Variants in TPP1 observed in about 807,000 individuals in gnomAD.
TPP1 encodes tripeptidyl peptidase 1.
In TPP1, 43 loss-of-function variants were observed where a neutral mutation model predicts 67.6. The ratio of observed to expected loss-of-function variants is 0.64; its 90% CI spans 0.50 to 0.82. The LOEUF is 0.82. Among genes scored for constraint, TPP1 ranks in the 40% least tolerant of loss-of-function variants. The pLI is 0.00. For missense variants in TPP1, 671 were observed against 710.9 expected (o/e 0.94, Z 0.64); for synonymous variants, 272 against 281.5 (o/e 0.97, Z 0.34).
At position 6,614,487 on chromosome 11, in the gene TPP1, A is replaced by C. The variant is rs1032969490; in HGVS notation, c.*59T>G. On this transcript the variant is annotated 3_prime_UTR_variant, in exon 13 of 13. Coordinates refer to ENST00000299427, the MANE Select transcript of TPP1 (RefSeq NM_000391.4). Reference sequence around the variant, plus strand: ...GCAGGGCTTCCAACAGGGCAGAATAAGGGACTGAACTGCCAGCTTCAGGGC... The same window carrying C: ...GCAGGGCTTCCAACAGGGCAGAATACGGGACTGAACTGCCAGCTTCAGGGC... 6.2e-6 allele frequency: 10 copies of C among 1,611,340 alleles called. No individual in the cohort carries two copies. The highest frequency in any genetic ancestry group is 6.8e-6 in the Non-Finnish European group (8 of 1,177,896).
At chr11:6,614,797 C>G (rs1855550480) in intron 12 of TPP1, 69 bp downstream of exon 12, 1 of 1,613,516 alleles carries the variant, frequency 6.2e-7, no homozygotes, top group African/African-American at 1.3e-5. Context: ...ACCCTAACTG[C>G]CCCCAAGTCC....
chr11:6,616,719 A>G lies in TPP1; in HGVS notation c.828T>C (p.Asp276=), dbSNP rs1057522366. The part of the protein sequence containing the change: ...RGRAGIEASL[D]VQYLMSAGAN... The stretch of plus-strand genomic sequence containing the variant: ...CACCAGCACTCATCAGGTACTGCAC[A>G]TCTAGACTGGCCTCAATCCCGGCCC... The change falls in exon 7 of 13, where the codon GAT becomes GAC. Residue 276 remains aspartate, a synonymous_variant. Transcript: ENST00000299427. 10 of 1,614,028 alleles carry G rather than the reference A, an allele frequency of 6.2e-6. No homozygotes were observed. Among genetic ancestry groups the G allele is most frequent in the Non-Finnish European group, 7.6e-6 (9 of 1,179,986 alleles).
chr11:6,618,088 T>C, intron 3 of TPP1: 1 of 422,800 alleles, frequency 2.4e-6, no homozygotes, highest in East Asian at 5.1e-5. Context: ...AATTTTAAGC[T>C]TATGTCCGGT....
intron 3 of TPP1, 117 bp downstream of exon 3, chr11:6,618,659 C>G: frequency 6.9e-7 from 1 of 1,448,324 alleles, no homozygotes. Flanking sequence ...TTTTAGGTTT[C>G]TAGCCTGAGG....
Position 6,615,198 on chromosome 11 carries a change from CA to C in TPP1, c.1397del (p.Val466GlyfsTer22), listed in dbSNP as rs2134591593. ...SDGYWVVSNR[V>X]PIPWVSGTSA... ...AGGTTCCGGACACCCATGGAATGGG[CA>C]CTCTGTTGCTGACCACCCAGTAGCC... is the stretch of plus-strand genomic sequence containing the variant. On this transcript the variant is annotated frameshift_variant, in exon 11 of 13. Transcript: ENST00000299427. LOFTEE classifies it high-confidence loss of function. 6.2e-7 allele frequency: 1 copy of C among 1,614,178 alleles called. No individual in the cohort carries two copies. Among genetic ancestry groups the C allele is most frequent in the East Asian group, 2.2e-5 (1 of 44,884 alleles).
rs1855521232 is a variant in TPP1 at position 6,613,070 on chromosome 11, T to A, written c.*1476A>T. 6.6e-6 allele frequency: 1 copy of A among 152,434 alleles called. No individual in the cohort carries two copies. The highest frequency in any genetic ancestry group is 2.4e-5 in the African/African-American group (1 of 41,438). The allele number at this position is 152,434 out of a possible 1,614,324, so 9.4% of individuals were successfully genotyped here. On this transcript the variant is annotated 3_prime_UTR_variant, in exon 13 of 13. Transcript: ENST00000299427. The stretch of plus-strand genomic sequence containing the variant: ...GATTATGAAAGGCAGGTATTGATAT[T>A]CACACTTAACAGACGAGGAAACAGC...
In TPP1 at chr11:6,614,330, T is replaced by G; in HGVS notation, c.*216A>C. ...AAAAATGCTAGTTACAGCATCTTAT[T>G]GAGGAATCTAAGGCAGGAGTAGGGA... On this transcript the variant is annotated 3_prime_UTR_variant, in exon 13 of 13. Transcript: ENST00000299427. The G allele has an allele frequency of 3.3e-6, 2 of 613,248 alleles. No individual in the cohort carries two copies. Among genetic ancestry groups the G allele is most frequent in the Non-Finnish European group, 5.7e-6 (2 of 349,226 alleles). 38.0% of individuals were successfully genotyped at this position (613,248 alleles called of 1,614,324 possible).
Position 6,613,872 on chromosome 11 carries a change from T to C in TPP1, c.*674A>G, listed in dbSNP as rs2134589370. ...TTACATTTGAGGTATCAATCATTAT[T>C]GGATAGAAAGTCTTATTTAGTGAGA... is the stretch of plus-strand genomic sequence containing the variant. On this transcript the variant is annotated 3_prime_UTR_variant, in exon 13 of 13. Coordinates refer to ENST00000299427, the MANE Select transcript of TPP1 (RefSeq NM_000391.4). 6.5e-6 allele frequency: 1 copy of C among 153,386 alleles called. No individual in the cohort carries two copies. The highest frequency in any genetic ancestry group is 2.4e-5 in the African/African-American group (1 of 41,584). 9.5% of individuals were successfully genotyped at this position (153,386 alleles called of 1,614,324 possible).
chr11:6,615,087 A>T, intron 11 of TPP1, 84 bp downstream of exon 11: 1 of 1,613,832 alleles, frequency 6.2e-7, no homozygotes. Context: ...CTAAGGAGTC[A>T]GGGGTTCTAG....
chr11:6,619,181 G>T lies in TPP1; in HGVS notation c.89+15C>A, dbSNP rs770172397. 1 of 1,613,994 alleles carries T rather than the reference G, an allele frequency of 6.2e-7. No homozygotes were observed. The highest frequency in any genetic ancestry group is 8.5e-7 in the Non-Finnish European group (1 of 1,179,938). ...GGGTATGGGGAAGGGGGCAGTCTGT[G>T]CTAAGTCAACTCACGTCCTCCGCTG... is the stretch of plus-strand genomic sequence containing the variant. On this transcript the variant is annotated intron_variant, in intron 2 of 12. Transcript: ENST00000299427.
At chr11:6,617,831 C>A in intron 3 of TPP1, 55 bp from the exon 4 acceptor site, 2 of 1,612,592 alleles carry the variant, frequency 1.2e-6, no homozygotes, top group Non-Finnish European at 8.5e-7. Flanking sequence ...CCAAACTCCC[C>A]CTTTTGGACC....
In TPP1 at chr11:6,618,772, G is replaced by A; in HGVS notation, c.229+4C>T. On this transcript the variant is annotated splice_donor_region_variant and intron_variant, in intron 3 of 12. Transcript: ENST00000299427. Reference sequence around the variant, plus strand: ...CACATCCTGTCCTCAGTCCCAAAAGGCACCGTATTGAGGAGAGCTGGGATC... The same window carrying A: ...CACATCCTGTCCTCAGTCCCAAAAGACACCGTATTGAGGAGAGCTGGGATC... 1.2e-6 allele frequency: 2 copies of A among 1,613,610 alleles called. No homozygotes were observed. The highest frequency in any genetic ancestry group is 1.7e-6 in the Non-Finnish European group (2 of 1,180,036).
At chr11:6,618,983 G>A in intron 2 of TPP1, 68 bp from the exon 3 acceptor site, 7 of 1,601,510 alleles carry the variant, frequency 4.4e-6, no homozygotes, top group Non-Finnish European at 6.0e-6. Context: ...GTCATGGAAG[G>A]TTCCAGATTA....
chr11:6,615,925 G>A, intron 9 of TPP1, 80 bp downstream of exon 9: 3 of 1,494,514 alleles, frequency 2.0e-6, no homozygotes, highest in Non-Finnish European at 2.8e-6. Flanking sequence ...CACATGGTGG[G>A]GTCAAGACAA....
chr11:6,616,255 A>T (rs1263498754), intron 8 of TPP1, 60 bp downstream of exon 8: 1 of 1,609,742 alleles, frequency 6.2e-7, no homozygotes, highest in Non-Finnish European at 8.5e-7. Context: ...ATCACTGTGG[A>T]GTCAAAGCTC....
At chr11:6,615,020 C>T in intron 11 of TPP1, 29 bp from the exon 12 acceptor site, 1 of 1,614,060 alleles carries the variant, frequency 6.2e-7, no homozygotes, top group Non-Finnish European at 8.5e-7. Context: ...AAGTAGAGGT[C>T]AGGGGTTCTG....
rs775734455 is a variant in TPP1 at position 6,617,789 on chromosome 11, A to C, written c.230-13T>G. On this transcript the variant is annotated splice_polypyrimidine_tract_variant and intron_variant, in intron 3 of 12. Coordinates refer to ENST00000299427, the MANE Select transcript of TPP1 (RefSeq NM_000391.4). ...GTCAGGTATTTTCCTGCAGGGATTC[A>C]GAAGAGGCACTTGCCCTCATTCATT... 5.6e-6 allele frequency: 9 copies of C among 1,614,156 alleles called. No homozygotes were observed. Among genetic ancestry groups the C allele is most frequent in the Non-Finnish European group, 7.6e-6 (9 of 1,180,028 alleles).
At chr11:6,617,471 A>G in intron 4 of TPP1, 43 bp from the exon 5 acceptor site, 1 of 1,614,002 alleles carries the variant, frequency 6.2e-7, no homozygotes, top group South Asian at 1.1e-5. Flanking sequence ...AAAACGGAAC[A>G]GAAGAAGCTA....
intron 3 of TPP1, chr11:6,618,021 A>G (rs951403430): frequency 1.2e-5 from 7 of 572,868 alleles, no homozygotes; most frequent in Non-Finnish European, 1.9e-5. Flanking sequence ...GCACCACAGC[A>G]TGTATTGCCA....
Sources: allele counts gnomAD v4.1 joint callset, GRCh38; gene constraint gnomAD v4.1.1; transcripts MANE v1.5; gene names NCBI Gene and HGNC (gene_info 2026-07-23, HGNC 2026-07-21).